FAM120C: variants seen among roughly 807,000 people sequenced by gnomAD.
The protein encoded by FAM120C is constitutive coactivator of PPAR-gamma-like protein 2.
FAM120C carries 14 observed loss-of-function variants against 71.2 expected under a neutral mutation model. The ratio of observed to expected loss-of-function variants is 0.20; its 90% confidence interval spans 0.13 to 0.31. The LOEUF is 0.31. FAM120C is among the 10% of genes least tolerant of loss of function. The pLI, the probability that FAM120C is intolerant of heterozygous loss-of-function variation, is 1.00. For synonymous variants in FAM120C, 354 were observed against 353.2 expected (o/e 1.00, Z -0.03); for missense variants, 500 against 879.0 (o/e 0.57, Z 5.45).
chrX:54,094,550 T>C (rs1040120618), intron 10 of FAM120C, among the ~76,000 whole-genome samples: 13 of 109,176 alleles, frequency 1.2e-4, no homozygotes, highest in Admixed American at 1.2e-3. Flanking sequence ...GCACTAAGAC[T>C]AGCCTGGGCT....
chrX:54,113,799 C>G (rs1404324614), intron 10 of FAM120C, among the ~76,000 whole-genome samples: 3 of 109,452 alleles, frequency 2.7e-5, no homozygotes, highest in African/African-American at 3.3e-5. Flanking sequence ...GCCTGTAATC[C>G]CAGCTACTCG....
At position 54,134,848 on chromosome X, in the gene FAM120C, T is replaced by C. The variant is rs2067085877; in HGVS notation, c.1599A>G (p.Pro533=). 4 of 1,210,816 alleles carry C rather than the reference T, an allele frequency of 3.3e-6. No individual in the cohort carries two copies. Among genetic ancestry groups the C allele is most frequent in the Non-Finnish European group, 4.5e-6 (4 of 895,087 alleles). The part of the protein sequence containing the change: ...SHSSSSDGDE[P]NGASSDHITE... ...ATACTTACTCAGAGCTAGCTCCATT[T>C]GGCTCATCACCATCAGAGGAAGAGG... Residue 533 remains proline, a synonymous_variant, in exon 7 of 16, where the codon CCA becomes CCG. Transcript: ENST00000375180.
rs1374568526 is a variant in FAM120C, at chrX:54,146,171, G to T, written c.1158+5074C>A. ...GGGGCCTCTCGTGGGGTGGGGGAAG[G>T]GGGGAGGGATAGCATTAGGAGATAT... On this transcript the variant is annotated intron_variant, in intron 4 of 15. Transcript: ENST00000375180. 6.3e-5 allele frequency among the ~76,000 whole-genome samples: 7 copies of T among 110,457 alleles called. No individual in the cohort carries two copies. In the East Asian group the frequency reaches 1.1e-3, roughly 18 times the overall value.
At position 54,151,315 on chromosome X, in the gene FAM120C, T is replaced by G. The variant is rs2067183298; in HGVS notation, c.1088A>C (p.Glu363Ala). The G allele has an allele frequency of 9.9e-6, 12 of 1,210,475 alleles. No individual in the cohort carries two copies. Among genetic ancestry groups the G allele is most frequent in the Non-Finnish European group, 1.1e-5 (10 of 894,927 alleles). ...PCDVVIKAVS[E>A]YVSSIKDPSN... Reference sequence around the variant, plus strand: ...GGGATCTTTGATGGAACTGACATACTCAGAAACAGCCTTGATCACCACGTC... The same window carrying G: ...GGGATCTTTGATGGAACTGACATACGCAGAAACAGCCTTGATCACCACGTC... Residue 363 changes from glutamate (E) to alanine (A), a missense_variant, in exon 4 of 16, where the codon GAG becomes GCG. Glu to Ala is a moderately radical substitution (Grantham distance 107). Around this residue, in one of 11 missense-constraint regions of FAM120C, gnomAD observed 55 missense variants for 96.7 expected, o/e 0.57. Coordinates refer to ENST00000375180, the MANE Select transcript of FAM120C (RefSeq NM_017848.6).
chrX:54,152,402 C>T (rs1168066347), intron 3 of FAM120C, among the ~76,000 whole-genome samples: 1 of 111,321 alleles, frequency 9.0e-6, no homozygotes, highest in Non-Finnish European at 1.9e-5. Context: ...GGATTACAGG[C>T]ACCTGCCACC....
intron 1 of FAM120C, among the ~76,000 whole-genome samples, chrX:54,160,608 C>A (rs1248176221): frequency 3.6e-5 from 4 of 111,730 alleles, no homozygotes; most frequent in African/African-American, 1.3e-4. Flanking sequence ...TGTATACCGG[C>A]TCCACCAAAT....
intron 4 of FAM120C, among the ~76,000 whole-genome samples, chrX:54,141,258 A>G: frequency 8.9e-6 from 1 of 111,919 alleles, no homozygotes. Flanking sequence ...AATAAATGCA[A>G]AAATACTCAA....
At chrX:54,130,908 C>T (rs1457181792) in intron 9 of FAM120C, among the ~76,000 whole-genome samples, 1 of 111,165 alleles carries the variant, frequency 9.0e-6, no homozygotes, top group Non-Finnish European at 1.9e-5. Flanking sequence ...GCCAGTTTGT[C>T]CTACACCCAG....
At chrX:54,166,768 C>T (rs1282115392) in intron 1 of FAM120C, among the ~76,000 whole-genome samples, 1 of 111,316 alleles carries the variant, frequency 9.0e-6, no homozygotes, top group Non-Finnish European at 1.9e-5. Context: ...CTTTTATATC[C>T]ATAGTATCTC....
chrX:54,098,878 G>A (rs1475629642), intron 10 of FAM120C, among the ~76,000 whole-genome samples: 4 of 111,127 alleles, frequency 3.6e-5, no homozygotes, highest in Admixed American at 1.9e-4. Flanking sequence ...CTCGGCCTCC[G>A]AAAGTGCTGG....
chrX:54,134,978 C>T lies in FAM120C; in HGVS notation c.1469G>A (p.Ser490Asn), dbSNP rs782166066. The stretch of plus-strand genomic sequence containing the variant: ...GGAGACAGCCCAATTGGCAAAGGGG[C>T]TGTTCTGCAGCATGGGATCCTCAGA... ...AFSEDPMLQNSPFANWAVSYD... is the reference protein window; with the variant it reads ...AFSEDPMLQNNPFANWAVSYD... The change falls in exon 7 of 16, where the codon AGC (serine) becomes AAC (asparagine). Residue 490 changes from serine (S) to asparagine (N), a missense_variant. Transcript: ENST00000375180. 8.3e-7 allele frequency: 1 copy of T among 1,211,638 alleles called. No homozygotes were observed. The highest frequency in any genetic ancestry group is 1.1e-6 in the Non-Finnish European group (1 of 895,541).
chrX:54,178,995 C>T (rs1280561165), intron 1 of FAM120C, among the ~76,000 whole-genome samples: 6 of 111,967 alleles, frequency 5.4e-5, no homozygotes, highest in African/African-American at 1.9e-4. Flanking sequence ...TAAAACAAAG[C>T]ATTCATTCCC....
chrX:54,074,134 T>A (rs1233944733), intron 15 of FAM120C, among the ~76,000 whole-genome samples: 1 of 111,820 alleles, frequency 8.9e-6, no homozygotes, highest in Non-Finnish European at 1.9e-5. Context: ...CTGACACTGC[T>A]ACTATTTACA....
chrX:54,111,468 C>T (rs1318479350), intron 10 of FAM120C, among the ~76,000 whole-genome samples: 1 of 109,663 alleles, frequency 9.1e-6, no homozygotes, highest in African/African-American at 3.3e-5. Context: ...TGTATGAAAA[C>T]CAGTAGCATT....
chrX:54,078,005 G>A (rs868996107), intron 15 of FAM120C, among the ~76,000 whole-genome samples: 110 of 94,314 alleles, frequency 1.2e-3, no homozygotes, highest in African/African-American at 4.3e-3. Context: ...GTGCAGTGGC[G>A]CGATCTCGGC....
At chrX:54,147,207 C>T (rs1427602227) in intron 4 of FAM120C, among the ~76,000 whole-genome samples, 1 of 110,592 alleles carries the variant, frequency 9.0e-6, no homozygotes, top group Non-Finnish European at 1.9e-5. Context: ...ATCCCAGCTA[C>T]TCAGGAGGCT....
At chrX:54,130,486 G>A (rs781795005) in intron 9 of FAM120C, among the ~76,000 whole-genome samples, 19 of 111,368 alleles carry the variant, frequency 1.7e-4, no homozygotes, top group South Asian at 1.1e-3. Flanking sequence ...ATTGAAAACT[G>A]GACATTTTGG....
At chrX:54,131,964 G>C (rs1557129431) in intron 9 of FAM120C, among the ~76,000 whole-genome samples, 1 of 106,615 alleles carries the variant, frequency 9.4e-6, no homozygotes, top group Non-Finnish European at 1.9e-5. Context: ...GGGTTAGCCA[G>C]GATGGTCTCG....
In FAM120C at chrX:54,068,342, T is replaced by C. The variant is rs1335994743; in HGVS notation, c.*4691A>G. On this transcript the variant is annotated 3_prime_UTR_variant, in exon 16 of 16. Transcript: ENST00000375180. The stretch of plus-strand genomic sequence containing the variant: ...CCCAAAATTATTTCACAATTTTTTT[T>C]ACTAAAAGAATAGATTTTTATTAAG... 1 of 112,115 alleles carries C rather than the reference T, an allele frequency of 8.9e-6. No individual in the cohort carries two copies. Among genetic ancestry groups the C allele is most frequent in the African/African-American group, 3.2e-5 (1 of 30,914 alleles). The allele number at this position is 112,115 out of a possible 1,213,427, so 9.2% of individuals were successfully genotyped here.
Sources: gnomAD v4.1 joint callset for allele counts (sites outside exome capture counted in the v4.1 genomes callset) on GRCh38, gnomAD v4.1.1 for gene constraint, gnomAD v4.1.1 regional missense constraint, MANE v1.5 for transcripts, NCBI Gene and HGNC (gene_info 2026-07-23, HGNC 2026-07-21) for gene names.